Variants in ABCA3 observed in about 807,000 individuals in gnomAD.
The protein encoded by ABCA3 is ATP binding cassette subfamily A member 3, also known as phospholipid-transporting ATPase ABCA3.
In ABCA3, 88 loss-of-function variants were observed where a neutral mutation model predicts 172.8. The ratio of observed to expected loss-of-function variants is 0.51; its 90% CI spans 0.43 to 0.61. The LOEUF is 0.61. Ranked by LOEUF, ABCA3 falls within the 20% of genes least tolerant of loss-of-function variation. The pLI, the probability that ABCA3 is intolerant of heterozygous loss-of-function variation, is 0.00. For synonymous variants in ABCA3, 1,066 were observed against 983.8 expected (o/e 1.08, Z -1.56); for missense variants, 2,164 against 2,301.0 (o/e 0.94, Z 1.22).
chr16:2,276,086 C>T lies in ABCA3; in HGVS notation c.*588G>A, dbSNP rs2093645858. On this transcript the variant is annotated 3_prime_UTR_variant, in exon 33 of 33. Transcript: ENST00000301732. ...CTAGGAGATGCTGTGGGACGGTGCCCGGCTTCGCGGTGACTACCATGCCCT... is the reference window on the plus strand; with the variant it reads ...CTAGGAGATGCTGTGGGACGGTGCCTGGCTTCGCGGTGACTACCATGCCCT... 1.6e-5 allele frequency: 5 copies of T among 306,530 alleles called. No individual in the cohort carries two copies. The highest frequency in any genetic ancestry group is 7.6e-5 in the South Asian group (3 of 39,392). The allele number at this position is 306,530 out of a possible 1,614,324, so 19.0% of individuals were successfully genotyped here. A position where few individuals can be genotyped will look rare whatever the true frequency, so the allele number is the denominator to read the frequency against.
At position 2,317,779 on chromosome 16, in the gene ABCA3, C is replaced by T; in HGVS notation, c.874-15G>A. On this transcript the variant is annotated splice_polypyrimidine_tract_variant and intron_variant, in intron 8 of 32. Transcript: ENST00000301732. ...CGCATGTACTCCTGGGGAGAGAAGCCATCACGCTGCTGGGGGCCCGTCACT... is the reference window on the plus strand; with the variant it reads ...CGCATGTACTCCTGGGGAGAGAAGCTATCACGCTGCTGGGGGCCCGTCACT... 1 of 1,612,604 alleles carries T rather than the reference C, an allele frequency of 6.2e-7. No homozygotes were observed. Among genetic ancestry groups the T allele is most frequent in the Non-Finnish European group, 8.5e-7 (1 of 1,178,776 alleles).
In ABCA3 at chr16:2,297,789, T is replaced by C; in HGVS notation, c.2029A>G (p.Ile677Val). ...ACCTTGGAGCCTGCGATGAGGGCGA[T>C]GCCGATGGAGAGCTTGCGCCTCATG... ...GGMRRKLSIG[I>V]ALIAGSKVLI... Residue 677 changes from isoleucine to valine, a missense_variant, in exon 16 of 33, where the codon ATC becomes GTC. Ile to Val is a conservative substitution (Grantham distance 29). Coordinates refer to ENST00000301732, the MANE Select transcript of ABCA3 (RefSeq NM_001089.3). The surrounding 1 kb of genome is among the most constrained non-coding windows in gnomAD (Gnocchi z 5.6). 6.2e-7 allele frequency: 1 copy of C among 1,613,002 alleles called. No homozygotes were observed. Among genetic ancestry groups the C allele is most frequent in the Non-Finnish European group, 8.5e-7 (1 of 1,180,030 alleles).
At chr16:2,292,004 C>G (rs527510484) in intron 19 of ABCA3, 136 bp downstream of exon 19, 2 of 669,160 alleles carry the variant, frequency 3.0e-6, no homozygotes, top group Admixed American at 2.1e-5. Flanking sequence ...ACCCAGGAGG[C>G]GGAGGTTGCG....
At chr16:2,302,124 T>G (rs2093690422) in intron 12 of ABCA3, among the ~76,000 whole-genome samples, 1 of 152,202 alleles carries the variant, frequency 6.6e-6, no homozygotes, top group Non-Finnish European at 1.5e-5. Context: ...ATAGAAACAA[T>G]GCTAATGACT....
At chr16:2,318,713 T>A (rs1339841904) in intron 8 of ABCA3, among the ~76,000 whole-genome samples, 3 of 151,992 alleles carry the variant, frequency 2.0e-5, no homozygotes, top group Non-Finnish European at 4.4e-5. Flanking sequence ...CGGTTTCACC[T>A]TGCTGTCCAG....
Position 2,319,854 on chromosome 16 carries a change from CAG to C in ABCA3, c.614-16_614-15del. ...CCCGGATGTACCCTGGGTGCGGGAG[CAG>C]AGGATGGCCCAGCCACCTCGAGGAG... is the stretch of plus-strand genomic sequence containing the variant. On this transcript the variant is annotated splice_polypyrimidine_tract_variant and intron_variant, in intron 7 of 32. Transcript: ENST00000301732. 1 of 1,613,064 alleles carries C rather than the reference CAG, an allele frequency of 6.2e-7. No homozygotes were observed. Among genetic ancestry groups the C allele is most frequent in the Non-Finnish European group, 8.5e-7 (1 of 1,179,996 alleles).
chr16:2,304,286 G>A (rs1032475534), intron 11 of ABCA3, 136 bp from the exon 12 acceptor site: 36 of 890,616 alleles, frequency 4.0e-5, no homozygotes, highest in Non-Finnish European at 5.6e-5. Flanking sequence ...TTCCCTTCCC[G>A]GTTTTATAAC....
chr16:2,329,298 C>T (rs2093739442), intron 2 of ABCA3, among the ~76,000 whole-genome samples: 1 of 152,124 alleles, frequency 6.6e-6, no homozygotes, highest in South Asian at 2.1e-4. Context: ...TAAAGATACA[C>T]ATTAAGGCCT....
intron 3 of ABCA3, among the ~76,000 whole-genome samples, chr16:2,327,348 T>C (rs323052): frequency 0.92 from 139,461 of 152,198 alleles, 65,141 homozygotes; most frequent in East Asian, 1. Flanking sequence ...ATTTGATAAA[T>C]GCTATTAGGA....
In ABCA3 at chr16:2,319,645, C is replaced by T. The variant is rs1306133987; in HGVS notation, c.809G>A (p.Ser270Asn). The T allele has an allele frequency of 1.2e-6, 2 of 1,613,628 alleles. No individual in the cohort carries two copies. Among genetic ancestry groups the T allele is most frequent in the Non-Finnish European group, 1.7e-6 (2 of 1,180,004 alleles). ...AATGGTGAGCGCGGTGTAGGTGAAG[C>T]TGAGCAGCAGCAGCAGGGGCAGCTG... ...QYQLPLLLLL[S>N]FTYTALTIAR... Residue 270 changes from serine (S) to asparagine (N), a missense_variant, in exon 8 of 33, where the codon AGC becomes AAC. Coordinates refer to ENST00000301732, the MANE Select transcript of ABCA3 (RefSeq NM_001089.3).
intron 14 of ABCA3, 131 bp downstream of exon 14, chr16:2,299,272 A>AG: frequency 7.6e-7 from 1 of 1,307,450 alleles, no homozygotes; most frequent in Admixed American, 1.9e-5. Context: ...TGCAGGGCTG[A>AG]GGTGCATCTC....
rs1230580299 is a variant in ABCA3, at chr16:2,286,118, C to A, written c.3279-472G>T. On this transcript the variant is annotated intron_variant, in intron 22 of 32. Coordinates refer to ENST00000301732, the MANE Select transcript of ABCA3 (RefSeq NM_001089.3). This position sits in a 1 kb window ranked among gnomAD's most constrained non-coding sequence, Gnocchi z 5.2. Reference sequence around the variant, plus strand: ...GACGCAGCCATCGCCAGGCCTAGGCCTAGCCTGGAATGTGGGTGGAGACGA... The same window carrying A: ...GACGCAGCCATCGCCAGGCCTAGGCATAGCCTGGAATGTGGGTGGAGACGA... Among the ~76,000 whole-genome samples the A allele has an allele frequency of 6.6e-6, 1 of 152,214 alleles. No homozygotes were observed. The highest frequency in any genetic ancestry group is 1.5e-5 in the Non-Finnish European group (1 of 68,044).
rs1256979705 is a variant in ABCA3 at position 2,279,480 on chromosome 16, G to A, written c.4360-350C>T. Among the ~76,000 whole-genome samples the A allele has an allele frequency of 1.3e-5, 2 of 152,224 alleles. No individual in the cohort carries two copies. The highest frequency in any genetic ancestry group is 4.8e-5 in the African/African-American group (2 of 41,444). On this transcript the variant is annotated intron_variant, in intron 28 of 32. Transcript: ENST00000301732. This position sits in a 1 kb window ranked among gnomAD's most constrained non-coding sequence, Gnocchi z 4.4. ...CCACTCATTCACACCTGGGACATCT[G>A]ATGTGCTAGGACTCTTTCTTCTCCC...
intron 1 of ABCA3, among the ~76,000 whole-genome samples, chr16:2,338,742 C>T (rs1347266215): frequency 1.3e-5 from 2 of 150,294 alleles, no homozygotes; most frequent in African/African-American, 4.9e-5. Context: ...GGGACTGTGT[C>T]CAATTCATCT....
chr16:2,307,466 G>A (rs1213013394), intron 11 of ABCA3, among the ~76,000 whole-genome samples: 2 of 151,892 alleles, frequency 1.3e-5, no homozygotes, highest in South Asian at 4.2e-4. Flanking sequence ...GAGGTGGGAG[G>A]ATCACTTGAA....
Position 2,276,546 on chromosome 16 carries a change from T to G in ABCA3, c.*128A>C. ...TCCATTCTGTGCATACTGCCTTGAA[T>G]TTTTCATATCCATCATAGAAAAAAG... On this transcript the variant is annotated 3_prime_UTR_variant, in exon 33 of 33. Coordinates refer to ENST00000301732, the MANE Select transcript of ABCA3 (RefSeq NM_001089.3). 1 of 1,477,486 alleles carries G rather than the reference T, an allele frequency of 6.8e-7. No individual in the cohort carries two copies. Among genetic ancestry groups the G allele is most frequent in the Non-Finnish European group, 9.1e-7 (1 of 1,100,616 alleles). The allele number at this position is 1,477,486 out of a possible 1,614,324, so 91.5% of individuals were successfully genotyped here.
intron 1 of ABCA3, among the ~76,000 whole-genome samples, chr16:2,333,453 G>C (rs941621910): frequency 2.0e-5 from 3 of 152,156 alleles, no homozygotes. Flanking sequence ...CTTCAGGGGA[G>C]GACCCAACAT....
Position 2,285,643 on chromosome 16 carries a change from G to C in ABCA3, c.3282C>G (p.Gly1094=), listed in dbSNP as rs1319979593. The change falls in exon 23 of 33, where the codon GGC becomes GGG. Residue 1094 remains glycine, a synonymous_variant. Coordinates refer to ENST00000301732, the MANE Select transcript of ABCA3 (RefSeq NM_001089.3). The surrounding 1 kb of genome is among the most constrained non-coding windows in gnomAD (Gnocchi z 4.7). ...LQAAKDQFNE[G]RKGFDIALNL... is the part of the protein sequence containing the mutation. ...TGAGGGCAATGTCGAATCCCTTCCG[G>C]CCCCTGCGGGGGACAGAGAAGGTCA... 6.4e-7 allele frequency: 1 copy of C among 1,552,000 alleles called. No homozygotes were observed. Among genetic ancestry groups the C allele is most frequent in the South Asian group, 1.2e-5 (1 of 84,084 alleles).
Position 2,297,210 on chromosome 16 carries a change from A to C in ABCA3, c.2263+119T>G. 9.0e-7 allele frequency: 1 copy of C among 1,115,342 alleles called. No individual in the cohort carries two copies. Among genetic ancestry groups the C allele is most frequent in the South Asian group, 1.3e-5 (1 of 76,284 alleles). 69.1% of individuals were successfully genotyped at this position (1,115,342 alleles called of 1,614,324 possible). A position where few individuals can be genotyped will look rare whatever the true frequency, so the allele number is the denominator to read the frequency against. ...GGCTCTCCACCCAGAGGCAACAGAC[A>C]GGAAGTCTAGAAAAGGCCACCCCTG... On this transcript the variant is annotated intron_variant, in intron 17 of 32. Coordinates refer to ENST00000301732, the MANE Select transcript of ABCA3 (RefSeq NM_001089.3). This position sits in a 1 kb window ranked among gnomAD's most constrained non-coding sequence, Gnocchi z 5.6.
Sources: allele counts gnomAD v4.1 joint callset (sites outside exome capture counted in the v4.1 genomes callset), GRCh38; gene constraint gnomAD v4.1.1; non-coding constraint Gnocchi (gnomAD v3.1); transcripts MANE v1.5; gene names NCBI Gene and HGNC (gene_info 2026-07-23, HGNC 2026-07-21).